Variants in CPSF3 observed in about 807,000 individuals in gnomAD.
CPSF3 encodes cleavage and polyadenylation specificity factor subunit 3.
In CPSF3, 57 loss-of-function variants were observed where a neutral mutation model predicts 84.1. The ratio of observed to expected loss-of-function variants is 0.68; its 90% CI spans 0.55 to 0.85. The LOEUF is 0.85. CPSF3 is among the 40% of genes least tolerant of loss of function. CPSF3 has a pLI of 0.00. For missense variants in CPSF3, 522 were observed against 838.8 expected (o/e 0.62, Z 4.66); for synonymous variants, 275 against 278.1 (o/e 0.99, Z 0.11).
chr2:9,428,406 A>G (rs1156312804), intron 1 of CPSF3, among the ~76,000 whole-genome samples: 1 of 152,218 alleles, frequency 6.6e-6, no homozygotes, highest in East Asian at 1.9e-4. Context: ...GTATTATTAT[A>G]TAATCTGCGT....
intron 15 of CPSF3, among the ~76,000 whole-genome samples, chr2:9,467,098 C>G (rs1435527743): frequency 1.3e-5 from 2 of 152,188 alleles, no homozygotes; most frequent in Admixed American, 1.3e-4. Flanking sequence ...GCTCTGCACT[C>G]TTTTGCTACT....
At chr2:9,468,180 CTG>C (rs1227370273) in intron 16 of CPSF3, among the ~76,000 whole-genome samples, 7 of 152,120 alleles carry the variant, frequency 4.6e-5, no homozygotes, top group Admixed American at 4.6e-4. Flanking sequence ...TCTTCTTAGT[CTG>C]TAAGCGATGA....
At chr2:9,437,782 C>T (rs1680836386) in intron 7 of CPSF3, among the ~76,000 whole-genome samples, 1 of 152,212 alleles carries the variant, frequency 6.6e-6, no homozygotes, top group South Asian at 2.1e-4. Flanking sequence ...CGGAAGATCA[C>T]TTGAGCCCAG....
intron 7 of CPSF3, among the ~76,000 whole-genome samples, chr2:9,439,774 G>A (rs1680909608): frequency 6.6e-6 from 1 of 151,940 alleles, no homozygotes; most frequent in African/African-American, 2.4e-5. Flanking sequence ...GATCACTTAA[G>A]TCCAGAGTTT....
chr2:9,458,625 G>A (rs1681616577), intron 14 of CPSF3, among the ~76,000 whole-genome samples: 1 of 151,980 alleles, frequency 6.6e-6, no homozygotes. Context: ...GAACCCAGGA[G>A]TTCAAGACCA....
At chr2:9,456,172 G>A (rs910345133) in intron 13 of CPSF3, among the ~76,000 whole-genome samples, 3 of 151,692 alleles carry the variant, frequency 2.0e-5, no homozygotes, top group African/African-American at 7.3e-5. Context: ...CTATACAGCA[G>A]GTTTTATAAG....
chr2:9,433,763 A>C, intron 5 of CPSF3, 108 bp from the exon 6 acceptor site: 1 of 718,736 alleles, frequency 1.4e-6, no homozygotes, highest in South Asian at 1.7e-5. Context: ...CATCAGTTTT[A>C]GACTTAAAAA....
chr2:9,428,858 AG>A (rs781596368), intron 2 of CPSF3, 30 bp downstream of exon 2: 2 of 1,314,646 alleles, frequency 1.5e-6, no homozygotes, highest in African/African-American at 2.9e-5. Flanking sequence ...TCAGTTTAAT[AG>A]TATGGCTCTG....
At chr2:9,446,407 C>T (rs1305841097) in intron 10 of CPSF3, among the ~76,000 whole-genome samples, 1 of 151,918 alleles carries the variant, frequency 6.6e-6, no homozygotes, top group African/African-American at 2.4e-5. Flanking sequence ...GGTGAAACCC[C>T]GTCTCTACTA....
intron 10 of CPSF3, among the ~76,000 whole-genome samples, chr2:9,446,976 C>A (rs1681147993): frequency 1.3e-5 from 2 of 151,906 alleles, no homozygotes; most frequent in Non-Finnish European, 2.9e-5. Context: ...CTTGTCTCTA[C>A]AAGAATAAAA....
rs935654407 is a variant in CPSF3 at position 9,423,709 on chromosome 2, G to A, written c.-65G>A. On this transcript the variant is annotated 5_prime_UTR_variant, in exon 1 of 18. Coordinates refer to ENST00000238112, the MANE Select transcript of CPSF3 (RefSeq NM_016207.4). ...TCCTTTTTTATTTACCGGTGGCTGT[G>A]CTTCCAATTTAGGAAGACCCCGGCG... is the stretch of plus-strand genomic sequence containing the variant. The A allele has an allele frequency of 1.9e-6, 3 of 1,586,284 alleles. No individual in the cohort carries two copies. In the African/African-American group the frequency reaches 4.1e-5, roughly 22 times the overall value.
At chr2:9,429,779 T>A in intron 2 of CPSF3, 144 bp from the exon 3 acceptor site, 1 of 568,444 alleles carries the variant, frequency 1.8e-6, no homozygotes, top group Non-Finnish European at 3.1e-6. Flanking sequence ...ATTTGCCACA[T>A]TTAATAAGAA....
rs548428592 is a variant in CPSF3 at position 9,438,935 on chromosome 2, A to G, written c.761-1556A>G. On this transcript the variant is annotated intron_variant, in intron 7 of 17. Coordinates refer to ENST00000238112, the MANE Select transcript of CPSF3 (RefSeq NM_016207.4). ...TGAAATCTATCATATGGCTAGAGCC[A>G]TATGACCTTGGGCAAATTATTTAAC... Among the ~76,000 whole-genome samples, 41 of 152,340 alleles carry G rather than the reference A, an allele frequency of 2.7e-4. No individual in the cohort carries two copies. The Middle Eastern group carries it at 0.01, about 38-fold the overall frequency.
intron 16 of CPSF3, among the ~76,000 whole-genome samples, chr2:9,469,575 G>A (rs148905807): frequency 1.2e-4 from 19 of 152,174 alleles, no homozygotes; most frequent in Non-Finnish European, 2.1e-4. Context: ...GGGAGGCTGC[G>A]GCCCTTCCAC....
At chr2:9,444,737 C>T (rs1176595003) in intron 10 of CPSF3, among the ~76,000 whole-genome samples, 1 of 152,102 alleles carries the variant, frequency 6.6e-6, no homozygotes, top group Non-Finnish European at 1.5e-5. Context: ...CCAATCTCAG[C>T]TCACTGCAGC....
rs369109447 is a variant in CPSF3, at chr2:9,448,404, CTG to C, written c.1395+56_1395+57del. The C allele has an allele frequency of 8.5e-5, 118 of 1,383,058 alleles. No homozygotes were observed. In the African/African-American group the frequency reaches 1.4e-3, roughly 16 times the overall value. 85.7% of individuals were successfully genotyped at this position (1,383,058 alleles called of 1,614,324 possible). On this transcript the variant is annotated intron_variant, in intron 11 of 17. Transcript: ENST00000238112. ...ATCCATGTTTTTTCTTCAGGAAAGA[CTG>C]TACTTCTTAAGAAAATAGATCTTTA...
chr2:9,460,663 T>TTATC (rs1681699734), intron 15 of CPSF3, among the ~76,000 whole-genome samples: 1 of 151,808 alleles, frequency 6.6e-6, no homozygotes, highest in Non-Finnish European at 1.5e-5. Context: ...TATGTCTTTT[T>TTATC]TTTCTTTCTT....
At chr2:9,432,828 G>C in intron 5 of CPSF3, 140 bp downstream of exon 5, 1 of 603,936 alleles carries the variant, frequency 1.7e-6, no homozygotes, top group Non-Finnish European at 2.5e-6. Flanking sequence ...TACAGTTAAC[G>C]CTTGTTCCTT....
At chr2:9,466,077 A>G (rs181760469) in intron 15 of CPSF3, among the ~76,000 whole-genome samples, 1 of 152,294 alleles carries the variant, frequency 6.6e-6, no homozygotes. Flanking sequence ...ATGGTGGCTC[A>G]CACCTGTAAT....
Sources: allele counts gnomAD v4.1 joint callset (sites outside exome capture counted in the v4.1 genomes callset), GRCh38; gene constraint gnomAD v4.1.1; transcripts MANE v1.5; gene names NCBI Gene and HGNC (gene_info 2026-07-23, HGNC 2026-07-21).